Variants in FAM219A observed in about 807,000 individuals in gnomAD.
FAM219A encodes the protein protein FAM219A.
In FAM219A, 7 loss-of-function variants were observed where a neutral mutation model predicts 23.4. The observed-to-expected ratio is 0.30, with a 90% CI of 0.17 to 0.56. The LOEUF is 0.56. Ranked by LOEUF, FAM219A falls within the 20% of genes least tolerant of loss-of-function variation. The probability of loss-of-function intolerance (pLI) is 0.92; values close to 1 mark genes in which losing one functional copy is unlikely to be tolerated. For synonymous variants in FAM219A, 93 were observed against 99.0 expected (o/e 0.94, Z 0.36); for missense variants, 166 against 246.9 (o/e 0.67, Z 2.20).
At chr9:34,450,212 C>G (rs1217984265) in intron 1 of FAM219A, among the ~76,000 whole-genome samples, 1 of 151,172 alleles carries the variant, frequency 6.6e-6, no homozygotes, top group Non-Finnish European at 1.5e-5. Flanking sequence ...ACTCAGGAGG[C>G]TGAGGCAGGA....
chr9:34,451,511 C>T (rs1466906219), intron 1 of FAM219A, among the ~76,000 whole-genome samples: 1 of 152,188 alleles, frequency 6.6e-6, no homozygotes, highest in African/African-American at 2.4e-5. Flanking sequence ...CAGCTAAGCC[C>T]AAGAAGCTAA....
At chr9:34,428,434 G>A (rs1822566425) in intron 1 of FAM219A, among the ~76,000 whole-genome samples, 1 of 152,224 alleles carries the variant, frequency 6.6e-6, no homozygotes, top group African/African-American at 2.4e-5. Context: ...TTCAGGCCCT[G>A]AGATCCCAGA....
intron 2 of FAM219A, among the ~76,000 whole-genome samples, chr9:34,404,899 A>T (rs1821581791): frequency 6.6e-6 from 1 of 152,136 alleles, no homozygotes; most frequent in South Asian, 2.1e-4. Flanking sequence ...AGAAAAAAAA[A>T]TAGTAGTTGA....
intron 1 of FAM219A, among the ~76,000 whole-genome samples, chr9:34,416,184 AAAGAAAGAAAGAAAG>A (rs1821995441): frequency 1.9e-4 from 1 of 5,200 alleles, no homozygotes; most frequent in Non-Finnish European, 4.6e-4. Context: ...AAGAAAGAGA[AAAGAAAGAAAGAAAG>A]AAAGAAAGAA....
chr9:34,440,566 T>G (rs1823129031), intron 1 of FAM219A, among the ~76,000 whole-genome samples: 1 of 151,114 alleles, frequency 6.6e-6, no homozygotes, highest in Non-Finnish European at 1.5e-5. Flanking sequence ...AAAAACAATT[T>G]TTGGCCAGGC....
At chr9:34,404,353 G>A (rs937694616) in intron 2 of FAM219A, among the ~76,000 whole-genome samples, 2 of 152,206 alleles carry the variant, frequency 1.3e-5, no homozygotes, top group Admixed American at 6.5e-5. Context: ...CCTCTTAGGA[G>A]GAGAATGTGA....
intron 1 of FAM219A, among the ~76,000 whole-genome samples, chr9:34,446,499 T>A (rs1823379551): frequency 6.6e-6 from 1 of 152,212 alleles, no homozygotes; most frequent in Non-Finnish European, 1.5e-5. Flanking sequence ...TCCTAGCACC[T>A]ACTTTGGAAG....
At chr9:34,440,187 C>CTGG (rs1358272302) in intron 1 of FAM219A, among the ~76,000 whole-genome samples, 7 of 152,330 alleles carry the variant, frequency 4.6e-5, no homozygotes, top group African/African-American at 1.7e-4. Context: ...TGTTGCACAG[C>CTGG]TGGTCCCTAG....
At chr9:34,453,648 G>T (rs773470339) in intron 1 of FAM219A, among the ~76,000 whole-genome samples, 1 of 152,166 alleles carries the variant, frequency 6.6e-6, no homozygotes, top group Non-Finnish European at 1.5e-5. Flanking sequence ...TTTCAGTGAC[G>T]CTACAGTAAC....
At chr9:34,422,779 G>A (rs80026369) in intron 1 of FAM219A, among the ~76,000 whole-genome samples, 3,356 of 152,304 alleles carry the variant, frequency 0.022, 135 homozygotes, top group African/African-American at 0.077. Context: ...GCAAGAAAAG[G>A]AGATGAAAGG....
At chr9:34,436,114 CTTTTCTCACCT>C (rs1246811060) in intron 1 of FAM219A, among the ~76,000 whole-genome samples, 1 of 151,792 alleles carries the variant, frequency 6.6e-6, no homozygotes, top group Non-Finnish European at 1.5e-5. Context: ...CTAGATTGCT[CTTTTCTCACCT>C]TTTTCTCACT....
At chr9:34,442,420 C>G (rs555757606) in intron 1 of FAM219A, among the ~76,000 whole-genome samples, 1 of 152,196 alleles carries the variant, frequency 6.6e-6, no homozygotes, top group African/African-American at 2.4e-5. Context: ...CATGGCGGCT[C>G]ACGCCTGTAA....
chr9:34,404,611 GGCAGGAGAATC>G (rs1821567461), intron 2 of FAM219A, among the ~76,000 whole-genome samples: 1 of 152,188 alleles, frequency 6.6e-6, no homozygotes, highest in Admixed American at 6.5e-5. Context: ...GAGAGGCTGA[GGCAGGAGAATC>G]GCTTGAACCA....
chr9:34,423,133 G>A lies in FAM219A; in HGVS notation c.61-17169C>T, dbSNP rs116693273. Among the ~76,000 whole-genome samples the A allele has an allele frequency of 3.4e-3, 517 of 152,252 alleles. 1 individual carries two copies. The highest frequency in any genetic ancestry group is 0.012 in the African/African-American group (487 of 41,532). On this transcript the variant is annotated intron_variant, in intron 1 of 5. Transcript: ENST00000651358. ...GTAGTGAGCCATGATTGCACAGAGC[G>A]ACAGAGTGAGACCCCTTCTTCTAAA...
chr9:34,435,291 G>A (rs1170954301), intron 1 of FAM219A, among the ~76,000 whole-genome samples: 1 of 152,146 alleles, frequency 6.6e-6, no homozygotes, highest in Non-Finnish European at 1.5e-5. Context: ...GTCTCTGGCA[G>A]CATTTCCACA....
Position 34,457,052 on chromosome 9 carries a change from A to T in FAM219A, c.60+1152T>A, listed in dbSNP as rs1166570804. ...TGTTTCTGGCCACCCTGCCTAACAC[A>T]GAAGCAGAACTTCAGAACTTGGAGA... is the stretch of plus-strand genomic sequence containing the variant. On this transcript the variant is annotated intron_variant, in intron 1 of 5. Coordinates refer to ENST00000651358, the MANE Select transcript of FAM219A (RefSeq NM_001184940.2). This position sits in a 1 kb window ranked among gnomAD's most constrained non-coding sequence, Gnocchi z 5.1. Among the ~76,000 whole-genome samples the T allele has an allele frequency of 6.6e-6, 1 of 152,230 alleles. No homozygotes were observed.
In FAM219A at chr9:34,451,225, A is replaced by G. The variant is rs571026654; in HGVS notation, c.60+6979T>C. ...CCAGAAGTTGATTTGGCTGTCCCAC[A>G]GTGAGGCCTGTGGATCATGTGCCAA... On this transcript the variant is annotated intron_variant, in intron 1 of 5. Coordinates refer to ENST00000651358, the MANE Select transcript of FAM219A (RefSeq NM_001184940.2). Among the ~76,000 whole-genome samples, 12 of 152,228 alleles carry G rather than the reference A, an allele frequency of 7.9e-5. No homozygotes were observed. The East Asian group carries it at 1.9e-3, about 24-fold the overall frequency.
chr9:34,410,133 C>G (rs1327453436), intron 1 of FAM219A, among the ~76,000 whole-genome samples: 2 of 151,922 alleles, frequency 1.3e-5, no homozygotes, highest in Admixed American at 6.6e-5. Context: ...GGGCTTGGAG[C>G]TAAAGACAGG....
At chr9:34,426,750 G>C (rs1822495824) in intron 1 of FAM219A, among the ~76,000 whole-genome samples, 1 of 152,192 alleles carries the variant, frequency 6.6e-6, no homozygotes, top group Non-Finnish European at 1.5e-5. Context: ...CAGAGCAATG[G>C]AAAAATAGAG....
Sources: gnomAD v4.1 joint callset for allele counts (sites outside exome capture counted in the v4.1 genomes callset) on GRCh38, gnomAD v4.1.1 for gene constraint, Gnocchi (gnomAD v3.1) non-coding constraint, MANE v1.5 for transcripts, NCBI Gene and HGNC (gene_info 2026-07-23, HGNC 2026-07-21) for gene names.